The following IBSP variants were observed in gnomAD, a reference collection of about 807,000 sequenced individuals.
The protein encoded by IBSP is integrin binding sialoprotein, also known as integrin-binding sialoprotein.
Under a neutral mutation model 25.5 loss-of-function variants are expected in IBSP, and 19 were observed. That is an observed-to-expected ratio of 0.74 (90% CI 0.52 to 1.09). The LOEUF (loss-of-function observed/expected upper bound fraction) is 1.09, where lower values mean the gene tolerates loss of function less well. IBSP is among the 50% of genes least tolerant of loss of function. The pLI, the probability that IBSP is intolerant of heterozygous loss-of-function variation, is 0.00. For missense variants in IBSP, 360 were observed against 382.3 expected (o/e 0.94, Z 0.49); for synonymous variants, 144 against 137.6 (o/e 1.05, Z -0.33).
rs372281152 is a variant in IBSP at position 87,802,494 on chromosome 4, G to A, written c.55-14G>A. On this transcript the variant is annotated splice_polypyrimidine_tract_variant and intron_variant, in intron 2 of 6. Coordinates refer to ENST00000226284, the MANE Select transcript of IBSP (RefSeq NM_004967.4). Reference sequence around the variant, plus strand: ...AAGAAAAATTATGCAATAATTAAATGTTCTTTAAAACAGATGAAAAATTTG... The same window carrying A: ...AAGAAAAATTATGCAATAATTAAATATTCTTTAAAACAGATGAAAAATTTG... 1.0e-5 allele frequency: 16 copies of A among 1,595,852 alleles called. No individual in the cohort carries two copies. The African/African-American group carries it at 2.0e-4, about 20-fold the overall frequency.
intron 4 of IBSP, among the ~76,000 whole-genome samples, chr4:87,804,545 T>A (rs1255499940): frequency 6.6e-6 from 1 of 152,194 alleles, no homozygotes; most frequent in Non-Finnish European, 1.5e-5. Context: ...GTTGAACTCA[T>A]AGAAGGTAAG....
chr4:87,810,564 TC>T, intron 5 of IBSP, 41 bp from the exon 6 acceptor site: 1 of 1,442,418 alleles, frequency 6.9e-7, no homozygotes, highest in Non-Finnish European at 9.7e-7. Context: ...TGAACTATCT[TC>T]CAGGTAAAAT....
At chr4:87,808,936 A>G (rs76099753) in intron 5 of IBSP, among the ~76,000 whole-genome samples, 3,392 of 152,280 alleles carry the variant, frequency 0.022, 99 homozygotes, top group East Asian at 0.17. Context: ...ACATATACAT[A>G]TTCATTTCTC....
At position 87,812,062 on chromosome 4, in the gene IBSP, G is replaced by C; in HGVS notation, c.*152G>C. 1.8e-6 allele frequency: 1 copy of C among 557,768 alleles called. No individual in the cohort carries two copies. The highest frequency in any genetic ancestry group is 3.0e-6 in the Non-Finnish European group (1 of 331,436). 34.6% of individuals were successfully genotyped at this position (557,768 alleles called of 1,614,324 possible). A position where few individuals can be genotyped will look rare whatever the true frequency, so the allele number is the denominator to read the frequency against. ...GATTTTCTGTAATTGCTTCTGCAAA[G>C]TAATAGGCTTCTTGTCCCTTTTTTT... On this transcript the variant is annotated 3_prime_UTR_variant, in exon 7 of 7. Transcript: ENST00000226284.
At chr4:87,810,248 C>A (rs1457082960) in intron 5 of IBSP, among the ~76,000 whole-genome samples, 1 of 151,928 alleles carries the variant, frequency 6.6e-6, no homozygotes, top group Admixed American at 6.6e-5. Context: ...AAACAAAAAA[C>A]CTTCATGCAA....
At chr4:87,806,823 G>A (rs1456646353) in intron 5 of IBSP, among the ~76,000 whole-genome samples, 10 of 152,076 alleles carry the variant, frequency 6.6e-5, no homozygotes, top group African/African-American at 2.2e-4. Flanking sequence ...TAGCCAACAT[G>A]GTGAAACCCT....
intron 5 of IBSP, among the ~76,000 whole-genome samples, chr4:87,807,442 A>G (rs928316719): frequency 1.3e-5 from 2 of 149,840 alleles, no homozygotes; most frequent in African/African-American, 5.1e-5. Context: ...ATCTTGAAGG[A>G]AGGCCTTACA....
intron 4 of IBSP, among the ~76,000 whole-genome samples, chr4:87,803,052 C>A (rs983050249): frequency 2.6e-5 from 4 of 152,102 alleles, no homozygotes; most frequent in Non-Finnish European, 5.9e-5. Flanking sequence ...AGTTGTTGAC[C>A]AATTCCATCA....
intron 4 of IBSP, among the ~76,000 whole-genome samples, chr4:87,803,956 G>T (rs1722057897): frequency 6.6e-6 from 1 of 152,102 alleles, no homozygotes; most frequent in Non-Finnish European, 1.5e-5. Context: ...ATTCCCATCT[G>T]GATATTTTTA....
intron 5 of IBSP, among the ~76,000 whole-genome samples, chr4:87,808,012 G>A (rs1007051835): frequency 5.3e-4 from 80 of 152,268 alleles, no homozygotes; most frequent in African/African-American, 1.9e-3. Context: ...ATCCTGAAGA[G>A]ATTCTGAAAC....
At position 87,812,148 on chromosome 4, in the gene IBSP, T is replaced by C. The variant is rs898003228; in HGVS notation, c.*238T>C. The C allele has an allele frequency of 2.5e-6, 1 of 398,430 alleles. No individual in the cohort carries two copies. Among genetic ancestry groups the C allele is most frequent in the Non-Finnish European group, 4.4e-6 (1 of 227,496 alleles). The allele number at this position is 398,430 out of a possible 1,614,324, so 24.7% of individuals were successfully genotyped here. A position where few individuals can be genotyped will look rare whatever the true frequency, so the allele number is the denominator to read the frequency against. ...ACCATTTATCAAGCAGTACACCAACTCATAAGATCAAATTTCATTGAATGG... is the reference window on the plus strand; with the variant it reads ...ACCATTTATCAAGCAGTACACCAACCCATAAGATCAAATTTCATTGAATGG... On this transcript the variant is annotated 3_prime_UTR_variant, in exon 7 of 7. Coordinates refer to ENST00000226284, the MANE Select transcript of IBSP (RefSeq NM_004967.4).
Position 87,805,060 on chromosome 4 carries a change from G to A in IBSP, c.184-1062G>A, listed in dbSNP as rs187370157. ...CCACCTGAGGTTATTCCTGGCTCGA[G>A]GTGACAAGCATTCCCTTTCCTTGGG... On this transcript the variant is annotated intron_variant, in intron 4 of 6. Transcript: ENST00000226284. Among the ~76,000 whole-genome samples, 16 of 152,268 alleles carry A rather than the reference G, an allele frequency of 1.1e-4. No homozygotes were observed. In the East Asian group the frequency reaches 1.5e-3, roughly 15 times the overall value.
At chr4:87,802,806 AC>A in intron 4 of IBSP, 75 bp downstream of exon 4, 2 of 942,782 alleles carry the variant, frequency 2.1e-6, no homozygotes, top group Non-Finnish European at 3.0e-6. Flanking sequence ...TAACTATAAA[AC>A]ACCTAAATTC....
In IBSP at chr4:87,802,575, T is replaced by C; in HGVS notation, c.105+17T>C. On this transcript the variant is annotated intron_variant, in intron 3 of 6. Coordinates refer to ENST00000226284, the MANE Select transcript of IBSP (RefSeq NM_004967.4). ...GAAAATGGGGTAATTAATTTTAGCATACTTCCTTGGCCTGATTATACTTGC... is the reference window on the plus strand; with the variant it reads ...GAAAATGGGGTAATTAATTTTAGCACACTTCCTTGGCCTGATTATACTTGC... The C allele has an allele frequency of 1.3e-6, 2 of 1,598,700 alleles. No individual in the cohort carries two copies. Among genetic ancestry groups the C allele is most frequent in the Non-Finnish European group, 1.7e-6 (2 of 1,173,244 alleles).
intron 5 of IBSP, among the ~76,000 whole-genome samples, chr4:87,807,930 G>A (rs1159011615): frequency 6.6e-6 from 1 of 152,176 alleles, no homozygotes; most frequent in Non-Finnish European, 1.5e-5. Context: ...AACTTCAGAG[G>A]AATAAATGCA....
At chr4:87,805,971 AG>A (rs1350551276) in intron 4 of IBSP, 150 bp from the exon 5 acceptor site, 1 of 642,286 alleles carries the variant, frequency 1.6e-6, no homozygotes, top group Non-Finnish European at 2.7e-6. Flanking sequence ...ATCTGTTCTT[AG>A]TAAACAAGTC....
At chr4:87,806,927 C>A (rs1387656705) in intron 5 of IBSP, among the ~76,000 whole-genome samples, 4 of 151,970 alleles carry the variant, frequency 2.6e-5, no homozygotes, top group African/African-American at 7.3e-5. Flanking sequence ...ATCACTTGAA[C>A]CCGGAAGGTG....
intron 5 of IBSP, among the ~76,000 whole-genome samples, chr4:87,809,000 T>A (rs1722131709): frequency 6.6e-6 from 1 of 152,186 alleles, no homozygotes; most frequent in East Asian, 1.9e-4. Context: ...CTGAGGCATA[T>A]ATATTCAACC....
rs1334133590 is a variant in IBSP, at chr4:87,811,631, G to C, written c.675G>C (p.Ser225=). The C allele has an allele frequency of 2.1e-5, 34 of 1,613,446 alleles. No homozygotes were observed. Among genetic ancestry groups the C allele is most frequent in the Admixed American group, 5.0e-5 (3 of 59,942 alleles). The change falls in exon 7 of 7, where the codon TCG becomes TCC. Residue 225 remains serine (S), a synonymous_variant. Transcript: ENST00000226284. ...CCGGAAGGCAGGGCAAGGGCACCTC[G>C]AAGACAACAACCTCTCCAAATGGTG... ...TETGRQGKGT[S]KTTTSPNGGF...
Sources: allele counts gnomAD v4.1 joint callset (sites outside exome capture counted in the v4.1 genomes callset), GRCh38; gene constraint gnomAD v4.1.1; transcripts MANE v1.5; gene names NCBI Gene and HGNC (gene_info 2026-07-23, HGNC 2026-07-21).